The following SLC35F4 variants were observed in gnomAD, a reference collection of about 807,000 sequenced individuals.
SLC35F4 encodes chromosome 14 open reading frame 36.
A neutral mutation model predicts 44.2 loss-of-function variants in SLC35F4; 24 were observed. The ratio of observed to expected loss-of-function variants is 0.54; its 90% CI spans 0.39 to 0.76. The LOEUF is 0.76. Among genes scored for constraint, SLC35F4 ranks in the 30% least tolerant of loss-of-function variants. SLC35F4 has a pLI of 0.00. For missense variants in SLC35F4, 562 were observed against 586.1 expected, an observed-to-expected ratio of 0.96 and a Z score of 0.42; for synonymous variants, 238 against 223.6, an observed-to-expected ratio of 1.06 and a Z score of -0.57.
chr14:57,847,654 C>A (rs1022073141), intron 1 of SLC35F4, among the ~76,000 whole-genome samples: 1 of 152,040 alleles, frequency 6.6e-6, no homozygotes, highest in East Asian at 1.9e-4. Context: ...GTGCATAAAC[C>A]TTATGTGTAC....
chr14:57,789,819 T>C (rs757516197), intron 1 of SLC35F4, among the ~76,000 whole-genome samples: 1 of 152,206 alleles, frequency 6.6e-6, no homozygotes, highest in Non-Finnish European at 1.5e-5. Context: ...GCTTCATCCC[T>C]GGAATGCAAG....
intron 1 of SLC35F4, among the ~76,000 whole-genome samples, chr14:57,863,020 CTT>C (rs201517103): frequency 6.8e-6 from 1 of 146,578 alleles, no homozygotes; most frequent in African/African-American, 2.8e-5. Flanking sequence ...CATTAATCAT[CTT>C]TTTTAAAAAA....
intron 1 of SLC35F4, among the ~76,000 whole-genome samples, chr14:57,900,302 C>G (rs1190337491): frequency 6.6e-6 from 1 of 152,244 alleles, no homozygotes; most frequent in East Asian, 1.9e-4. Flanking sequence ...ACAGCTCCAG[C>G]AAACATCCGA....
At position 57,642,398 on chromosome 14, in the gene SLC35F4, T is replaced by C. The variant is rs80062018; in HGVS notation, c.104-48274A>G. ...TTGCTTTTCCACAACATTATAGTTA[T>C]TGGAATATAAACGATTATCCTAGTA... On this transcript the variant is annotated intron_variant, in intron 1 of 7. Coordinates refer to ENST00000556826, the MANE Select transcript of SLC35F4 (RefSeq NM_001306087.2). Among the ~76,000 whole-genome samples, 759 of 152,176 alleles carry C rather than the reference T, an allele frequency of 5.0e-3. 9 individuals are homozygous for C. The highest frequency in any genetic ancestry group is 0.018 in the African/African-American group (731 of 41,552).
intron 1 of SLC35F4, among the ~76,000 whole-genome samples, chr14:57,964,102 A>C (rs572399458): frequency 6.6e-6 from 1 of 152,096 alleles, no homozygotes; most frequent in South Asian, 2.1e-4. Flanking sequence ...CTTTGGGAAG[A>C]CTCTGTTCTC....
At chr14:57,815,089 A>G (rs777395752) in intron 1 of SLC35F4, among the ~76,000 whole-genome samples, 2 of 152,218 alleles carry the variant, frequency 1.3e-5, no homozygotes, top group Non-Finnish European at 2.9e-5. Context: ...AGAGTTAACT[A>G]GTTTCAAAAG....
rs370916464 is a variant in SLC35F4 at position 57,780,209 on chromosome 14, T to A, written c.103+85514A>T. 1.1e-4 allele frequency among the ~76,000 whole-genome samples: 17 copies of A among 152,296 alleles called. 1 individual carries two copies. The East Asian group carries it at 1.9e-3, about 17-fold the overall frequency. On this transcript the variant is annotated intron_variant, in intron 1 of 7. Coordinates refer to ENST00000556826, the MANE Select transcript of SLC35F4 (RefSeq NM_001306087.2). ...CCCATAGTCTTGGCCCAAAAGCTCC[T>A]TCAGCTGATAAATAACTTCAGCAAA...
chr14:57,750,978 C>T (rs1041128928), intron 1 of SLC35F4, among the ~76,000 whole-genome samples: 3 of 152,150 alleles, frequency 2.0e-5, no homozygotes, highest in African/African-American at 4.8e-5. Flanking sequence ...TTGTCTCACC[C>T]GCCCAGTCTC....
At chr14:57,980,570 T>C (rs57118140) in intron 1 of SLC35F4, among the ~76,000 whole-genome samples, 2 of 151,996 alleles carry the variant, frequency 1.3e-5, no homozygotes, top group African/African-American at 4.8e-5. Context: ...AGAGTGAATT[T>C]CAAGCATAGC....
At chr14:57,695,050 C>A (rs1235618271) in intron 1 of SLC35F4, among the ~76,000 whole-genome samples, 1 of 151,966 alleles carries the variant, frequency 6.6e-6, no homozygotes, top group African/African-American at 2.4e-5. Context: ...AATGTTAGAC[C>A]TAAAACCATA....
At chr14:57,747,873 T>G (rs959860792) in intron 1 of SLC35F4, among the ~76,000 whole-genome samples, 9 of 152,190 alleles carry the variant, frequency 5.9e-5, no homozygotes, top group Admixed American at 6.5e-5. Context: ...CCCTGAATGT[T>G]CTTAGTTAGA....
At chr14:57,622,278 G>T (rs1291089204) in intron 1 of SLC35F4, among the ~76,000 whole-genome samples, 2 of 136,530 alleles carry the variant, frequency 1.5e-5, no homozygotes, top group South Asian at 4.9e-4. Flanking sequence ...CAGGGATCTA[G>T]AACTAGAAAT....
chr14:57,913,813 C>T (rs113821525), intron 1 of SLC35F4, among the ~76,000 whole-genome samples: 3,127 of 152,256 alleles, frequency 0.021, 45 homozygotes, highest in Middle Eastern at 0.048. Context: ...TAATCTATAC[C>T]ATTTTCTGTC....
At chr14:57,948,940 G>A (rs1476596967) in intron 1 of SLC35F4, among the ~76,000 whole-genome samples, 1 of 152,032 alleles carries the variant, frequency 6.6e-6, no homozygotes. Context: ...TTTGAGACTT[G>A]TTTTGTGGCC....
chr14:57,649,971 G>A (rs920284439), intron 1 of SLC35F4, among the ~76,000 whole-genome samples: 7 of 151,846 alleles, frequency 4.6e-5, no homozygotes, highest in African/African-American at 1.7e-4. Flanking sequence ...AGAAGCACTG[G>A]GTATATTGGA....
intron 3 of SLC35F4, among the ~76,000 whole-genome samples, chr14:57,584,527 C>T (rs1055716393): frequency 2.6e-5 from 4 of 152,152 alleles, no homozygotes; most frequent in African/African-American, 9.7e-5. Context: ...GACAATTTTA[C>T]CTCTCATATG....
chr14:57,749,303 C>T (rs113833835), intron 1 of SLC35F4, among the ~76,000 whole-genome samples: 137 of 152,178 alleles, frequency 9.0e-4, no homozygotes, highest in African/African-American at 3.0e-3. Flanking sequence ...TATCTGTTAC[C>T]AGACTGCAAC....
At chr14:57,588,014 A>G (rs113376113) in intron 3 of SLC35F4, among the ~76,000 whole-genome samples, 2 of 151,914 alleles carry the variant, frequency 1.3e-5, no homozygotes, top group African/African-American at 4.8e-5. Context: ...GGTGAAACCC[A>G]TCTCTACTAA....
At chr14:57,915,146 T>C (rs1460687464) in intron 1 of SLC35F4, among the ~76,000 whole-genome samples, 1 of 152,084 alleles carries the variant, frequency 6.6e-6, no homozygotes, top group Admixed American at 6.5e-5. Flanking sequence ...ATAGCTGGGG[T>C]GTCTGAGGAG....
Sources: allele counts gnomAD v4.1 joint callset (sites outside exome capture counted in the v4.1 genomes callset), GRCh38; gene constraint gnomAD v4.1.1; transcripts MANE v1.5; gene names NCBI Gene and HGNC (gene_info 2026-07-23, HGNC 2026-07-21).